TRIM29: variants seen among roughly 807,000 people sequenced by gnomAD.
The protein encoded by TRIM29 is tripartite motif containing 29.
Under a neutral mutation model 57.3 loss-of-function variants are expected in TRIM29, and 52 were observed. The ratio of observed to expected loss-of-function variants is 0.91; its 90% CI spans 0.73 to 1.14. The LOEUF (loss-of-function observed/expected upper bound fraction) is 1.14, where lower values mean the gene tolerates loss of function less well. Among genes scored for constraint, TRIM29 ranks in the 50% most tolerant of loss-of-function variants. TRIM29 has a pLI of 0.00. For synonymous variants in TRIM29, 319 were observed against 316.9 expected (o/e 1.01, Z -0.07); for missense variants, 753 against 774.6 (o/e 0.97, Z 0.33).
At chr11:120,135,947 C>T (rs1427061771) in intron 1 of TRIM29, among the ~76,000 whole-genome samples, 5 of 152,160 alleles carry the variant, frequency 3.3e-5, no homozygotes, top group Non-Finnish European at 7.3e-5. Flanking sequence ...GTGAGCCCCA[C>T]ATCTGTGGGG....
At chr11:120,123,803 C>A in intron 4 of TRIM29, 1 of 311,204 alleles carries the variant, frequency 3.2e-6, no homozygotes, top group Non-Finnish European at 6.3e-6. Context: ...TCATCACCTG[C>A]GCCTATCAGT....
chr11:120,133,996 T>C (rs1029918866), intron 1 of TRIM29, among the ~76,000 whole-genome samples: 3 of 151,996 alleles, frequency 2.0e-5, no homozygotes, highest in Non-Finnish European at 2.9e-5. Context: ...CTTAACATCC[T>C]GGCCTGCTGA....
At chr11:120,119,438 G>T (rs1863375255) in intron 6 of TRIM29, among the ~76,000 whole-genome samples, 3 of 152,206 alleles carry the variant, frequency 2.0e-5, no homozygotes, top group African/African-American at 7.2e-5. Flanking sequence ...ATCCCAGGCA[G>T]CTTCTGTAGC....
intron 8 of TRIM29, chr11:120,113,670 A>C: frequency 2.2e-6 from 1 of 456,278 alleles, no homozygotes; most frequent in Non-Finnish European, 4.4e-6. Flanking sequence ...TAAACAAAGG[A>C]AGAAACTGAG....
intron 1 of TRIM29, among the ~76,000 whole-genome samples, chr11:120,132,588 C>A (rs1365850083): frequency 6.6e-6 from 1 of 152,170 alleles, no homozygotes; most frequent in South Asian, 2.1e-4. Flanking sequence ...TCAACCTGGA[C>A]GTGGTCTTCA....
intron 3 of TRIM29, 33 bp from the exon 4 acceptor site, chr11:120,125,922 G>A: frequency 6.2e-7 from 1 of 1,601,536 alleles, no homozygotes; most frequent in Non-Finnish European, 8.5e-7. Flanking sequence ...TTAACTGCCT[G>A]GGTCTTCATG....
At chr11:120,121,890 G>T (rs566775046) in intron 5 of TRIM29, 6 of 431,506 alleles carry the variant, frequency 1.4e-5, no homozygotes, top group African/African-American at 6.1e-5. Flanking sequence ...CCAGGTAGGG[G>T]TTCTGAGGAG....
At chr11:120,125,959 G>C in intron 3 of TRIM29, 70 bp from the exon 4 acceptor site, 1 of 1,486,694 alleles carries the variant, frequency 6.7e-7, no homozygotes, top group Non-Finnish European at 9.2e-7. Context: ...CTCTGCCAGG[G>C]GCTCTCACAG....
intron 1 of TRIM29, chr11:120,128,980 G>A: frequency 1.6e-6 from 2 of 1,257,692 alleles, no homozygotes; most frequent in Non-Finnish European, 2.0e-6. Context: ...AGCAGCCAGG[G>A]TTGCCGCCGG....
rs1043508627 is a variant in TRIM29 at position 120,127,665 on chromosome 11, T to A, written c.901-96A>T. 5.5e-5 allele frequency: 63 copies of A among 1,145,306 alleles called. 1 individual carries two copies. Among genetic ancestry groups the A allele is most frequent in the Admixed American group, 2.6e-4 (10 of 38,334 alleles). 70.9% of individuals were successfully genotyped at this position (1,145,306 alleles called of 1,614,324 possible). A position where few individuals can be genotyped will look rare whatever the true frequency, so the allele number is the denominator to read the frequency against. Reference sequence around the variant, plus strand: ...ATGTCTTTAGGTTTCCAGCACAGGATCAGGGCATTCCCACTGCCCCAACCT... The same window carrying A: ...ATGTCTTTAGGTTTCCAGCACAGGAACAGGGCATTCCCACTGCCCCAACCT... On this transcript the variant is annotated intron_variant, in intron 2 of 8. Coordinates refer to ENST00000341846, the MANE Select transcript of TRIM29 (RefSeq NM_012101.4).
intron 1 of TRIM29, among the ~76,000 whole-genome samples, chr11:120,132,097 G>T (rs1223407521): frequency 6.6e-6 from 1 of 151,574 alleles, no homozygotes; most frequent in African/African-American, 2.4e-5. Flanking sequence ...GTGGCACTAG[G>T]CTGTCCTGTG....
chr11:120,124,166 C>G (rs921855612), intron 4 of TRIM29: 1 of 154,884 alleles, frequency 6.5e-6, no homozygotes. Flanking sequence ...TCGCCACACA[C>G]CTCGTACAGG....
chr11:120,117,515 G>A (rs1358632253), intron 7 of TRIM29: 1 of 154,298 alleles, frequency 6.5e-6, no homozygotes, highest in Non-Finnish European at 1.4e-5. Context: ...CAGGCCAGAT[G>A]TTTGGGGTGC....
chr11:120,122,848 A>G (rs1863492834), intron 5 of TRIM29, 106 bp downstream of exon 5: 1 of 843,078 alleles, frequency 1.2e-6, no homozygotes. Context: ...TGGACATGCC[A>G]TCACCCCCAC....
In TRIM29 at chr11:120,112,254, G is replaced by A. The variant is rs2134973380; in HGVS notation, c.*160C>T. On this transcript the variant is annotated 3_prime_UTR_variant, in exon 9 of 9. Coordinates refer to ENST00000341846, the MANE Select transcript of TRIM29 (RefSeq NM_012101.4). ...GAGTGTGGCCAGTGGGGAAGTCGGA[G>A]AGGCCGGAACTGCCCCCAAGAGGCT... is the stretch of plus-strand genomic sequence containing the variant. The A allele has an allele frequency of 2.8e-6, 2 of 710,080 alleles. No individual in the cohort carries two copies. Among genetic ancestry groups the A allele is most frequent in the East Asian group, 5.9e-5 (2 of 34,148 alleles). The allele number at this position is 710,080 out of a possible 1,614,324, so 44.0% of individuals were successfully genotyped here. A position where few individuals can be genotyped will look rare whatever the true frequency, so the allele number is the denominator to read the frequency against.
intron 7 of TRIM29, 45 bp downstream of exon 7, chr11:120,118,178 G>C: frequency 6.4e-7 from 1 of 1,552,688 alleles, no homozygotes; most frequent in Non-Finnish European, 8.9e-7. Flanking sequence ...TGGGAGGTGT[G>C]AGGCAGCTGT....
At chr11:120,123,207 G>A (rs1397567538) in intron 4 of TRIM29, 152 bp from the exon 5 acceptor site, 22 of 715,876 alleles carry the variant, frequency 3.1e-5, no homozygotes, top group Middle Eastern at 4.5e-4. Flanking sequence ...AGAATATGAC[G>A]CCCTGCCCAG....
At position 120,137,620 on chromosome 11, in the gene TRIM29, G is replaced by T; in HGVS notation, c.412C>A (p.Pro138Thr). Reference sequence around the variant, plus strand: ...CCGGGCTCCATGATGGACACCGTGGGCTTCCGGGACTCCGAGAAAATGGAC... The same window carrying T: ...CCGGGCTCCATGATGGACACCGTGGTCTTCCGGGACTCCGAGAAAATGGAC... Reference protein sequence around the residue: ...RKSIFSESRKPTVSIMEPGET... With the variant: ...RKSIFSESRKTTVSIMEPGET... The change falls in exon 1 of 9, where the codon CCC becomes ACC. Residue 138 changes from proline to threonine, a missense_variant. By Grantham distance (38) the Pro-to-Thr change is conservative. Transcript: ENST00000341846. This position sits in a 1 kb window ranked among gnomAD's most constrained non-coding sequence, Gnocchi z 6.2. 6.2e-7 allele frequency: 1 copy of T among 1,613,634 alleles called. No individual in the cohort carries two copies. The highest frequency in any genetic ancestry group is 1.1e-5 in the South Asian group (1 of 91,054).
At chr11:120,114,220 C>G (rs886965465) in intron 8 of TRIM29, among the ~76,000 whole-genome samples, 8 of 152,172 alleles carry the variant, frequency 5.3e-5, no homozygotes, top group African/African-American at 1.9e-4. Flanking sequence ...CTCTTCAGGG[C>G]CCCAGGCTCT....
Sources: allele counts gnomAD v4.1 joint callset (sites outside exome capture counted in the v4.1 genomes callset), GRCh38; gene constraint gnomAD v4.1.1; non-coding constraint Gnocchi (gnomAD v3.1); transcripts MANE v1.5; gene names NCBI Gene and HGNC (gene_info 2026-07-23, HGNC 2026-07-21).